The following NUBPL variants were observed in gnomAD, a reference collection of about 807,000 sequenced individuals.
The protein encoded by NUBPL is iron-sulfur cluster transfer protein NUBPL.
In NUBPL, 31 loss-of-function variants were observed where a neutral mutation model predicts 45.7. The ratio of observed to expected loss-of-function variants is 0.68; its 90% CI spans 0.51 to 0.92. NUBPL has a LOEUF of 0.92. Among genes scored for constraint, NUBPL ranks in the 40% least tolerant of loss-of-function variants. The pLI, the probability that NUBPL is intolerant of heterozygous loss-of-function variation, is 0.00. For synonymous variants in NUBPL, 144 were observed against 140.9 expected (o/e 1.02, Z -0.15); for missense variants, 401 against 398.7 (o/e 1.01, Z -0.05).
At chr14:31,563,584 A>G (rs923787408) in intron 2 of NUBPL, among the ~76,000 whole-genome samples, 2 of 152,244 alleles carry the variant, frequency 1.3e-5, no homozygotes, top group Admixed American at 1.3e-4. Context: ...ATGTAACTCT[A>G]TTGGTATTAT....
chr14:31,722,549 C>T (rs541843981), intron 6 of NUBPL, among the ~76,000 whole-genome samples: 28 of 152,198 alleles, frequency 1.8e-4, no homozygotes, highest in Non-Finnish European at 3.5e-4. Flanking sequence ...CAAATTTACA[C>T]TCCCATCAAC....
chr14:31,645,779 C>CA (rs1193782800), intron 4 of NUBPL, among the ~76,000 whole-genome samples: 2 of 133,768 alleles, frequency 1.5e-5, no homozygotes, highest in Non-Finnish European at 3.2e-5. Flanking sequence ...TTTACACCCC[C>CA]CCCCCCACAT....
intron 3 of NUBPL, among the ~76,000 whole-genome samples, chr14:31,569,813 C>CCCAA (rs1419947065): frequency 1.3e-5 from 2 of 152,132 alleles, no homozygotes; most frequent in Non-Finnish European, 2.9e-5. Context: ...AGCCCACTAC[C>CCCAA]CCAAGCCAGT....
At chr14:31,584,989 C>T (rs528821037) in intron 3 of NUBPL, among the ~76,000 whole-genome samples, 1 of 152,306 alleles carries the variant, frequency 6.6e-6, no homozygotes, top group Middle Eastern at 3.4e-3. Flanking sequence ...CCCCACCTCC[C>T]AGTGCTTTCA....
intron 6 of NUBPL, among the ~76,000 whole-genome samples, chr14:31,754,209 G>A (rs2038597339): frequency 6.6e-6 from 1 of 152,252 alleles, no homozygotes; most frequent in East Asian, 1.9e-4. Context: ...ATGAGTAATA[G>A]AATTATTGTA....
intron 6 of NUBPL, among the ~76,000 whole-genome samples, chr14:31,770,590 C>T (rs896680380): frequency 2.0e-5 from 3 of 152,200 alleles, no homozygotes; most frequent in African/African-American, 7.2e-5. Flanking sequence ...GACTGCTTAT[C>T]ATTTACGCCT....
intron 6 of NUBPL, among the ~76,000 whole-genome samples, chr14:31,758,041 G>A (rs2038711146): frequency 6.6e-6 from 1 of 152,120 alleles, no homozygotes; most frequent in Non-Finnish European, 1.5e-5. Flanking sequence ...CATCTCAGAA[G>A]AGCAGGCTGT....
intron 8 of NUBPL, among the ~76,000 whole-genome samples, chr14:31,831,036 T>TTTTA (rs139299664): frequency 0.025 from 1,507 of 60,036 alleles, 27 homozygotes; most frequent in African/African-American, 0.051. Flanking sequence ...CCCTAATCCT[T>TTTTA]TTTATTTATT....
chr14:31,615,759 G>A lies in NUBPL; in HGVS notation c.382+16380G>A, dbSNP rs566779264. Among the ~76,000 whole-genome samples, 8 of 152,238 alleles carry A rather than the reference G, an allele frequency of 5.3e-5. No individual in the cohort carries two copies. In the East Asian group the frequency reaches 9.7e-4, roughly 18 times the overall value. On this transcript the variant is annotated intron_variant, in intron 4 of 10. Transcript: ENST00000281081. ...GTGAACAGTGCTGCAATAAACATACGTGTGCATGTGTCTTTATAGTAGAAT... is the reference window on the plus strand; with the variant it reads ...GTGAACAGTGCTGCAATAAACATACATGTGCATGTGTCTTTATAGTAGAAT...
intron 7 of NUBPL, among the ~76,000 whole-genome samples, chr14:31,792,032 T>G (rs892013969): frequency 8.5e-5 from 13 of 152,184 alleles, no homozygotes; most frequent in Non-Finnish European, 1.5e-4. Flanking sequence ...TTAGTGGCTT[T>G]CATAAGATAA....
chr14:31,695,507 T>C (rs1376495611), intron 6 of NUBPL, among the ~76,000 whole-genome samples: 1 of 152,064 alleles, frequency 6.6e-6, no homozygotes, highest in Non-Finnish European at 1.5e-5. Context: ...AACCAGGCAG[T>C]GTTGGGAGGT....
At chr14:31,832,470 C>A (rs528027052) in intron 8 of NUBPL, among the ~76,000 whole-genome samples, 8 of 152,246 alleles carry the variant, frequency 5.3e-5, no homozygotes, top group African/African-American at 1.9e-4. Flanking sequence ...AGACAACAAA[C>A]TAGAAATAAG....
chr14:31,619,674 C>T (rs887078559), intron 4 of NUBPL, among the ~76,000 whole-genome samples: 9 of 152,132 alleles, frequency 5.9e-5, no homozygotes, highest in Non-Finnish European at 1.0e-4. Context: ...GATTGGCTTC[C>T]CTTTGTGGGT....
chr14:31,655,233 A>G (rs1451323611), intron 4 of NUBPL, among the ~76,000 whole-genome samples: 1 of 152,232 alleles, frequency 6.6e-6, no homozygotes, highest in Admixed American at 6.5e-5. Context: ...ATTACTATCT[A>G]TGGCAGCTTT....
intron 4 of NUBPL, among the ~76,000 whole-genome samples, chr14:31,658,684 G>C (rs1381930704): frequency 1.3e-5 from 2 of 152,024 alleles, no homozygotes; most frequent in Admixed American, 1.3e-4. Context: ...GCTAATCTTT[G>C]TATTTTTAGT....
intron 4 of NUBPL, among the ~76,000 whole-genome samples, chr14:31,649,501 A>G (rs922399211): frequency 6.6e-6 from 1 of 152,228 alleles, no homozygotes. Context: ...ATTATAAATG[A>G]TATACGCAAC....
chr14:31,623,103 A>G (rs1307721878), intron 4 of NUBPL, among the ~76,000 whole-genome samples: 1 of 152,264 alleles, frequency 6.6e-6, no homozygotes, highest in East Asian at 1.9e-4. Flanking sequence ...GATGTGAAAC[A>G]TGGAGTCAAA....
At position 31,781,950 on chromosome 14, in the gene NUBPL, C is replaced by A. The variant is rs541667529; in HGVS notation, c.514-5830C>A. ...ATATCCATAACTTTCTTACGTCTCT[C>A]TCCCCTTACTATTAGTTCCTTTTTA... On this transcript the variant is annotated intron_variant, in intron 6 of 10. Transcript: ENST00000281081. Among the ~76,000 whole-genome samples the A allele has an allele frequency of 2.0e-5, 3 of 152,246 alleles. No individual in the cohort carries two copies. The South Asian group carries it at 6.2e-4, about 32-fold the overall frequency.
chr14:31,787,877 A>AACCT lies in NUBPL; in HGVS notation c.607+5_607+6insCCTA. 6.3e-7 allele frequency: 1 copy of AACCT among 1,589,270 alleles called. No individual in the cohort carries two copies. Among genetic ancestry groups the AACCT allele is most frequent in the Non-Finnish European group, 8.6e-7 (1 of 1,157,744 alleles). ...TCACAGAATATTCCTATAACAGGTA[A>AACCT]ATCTTCAAAGTTTAAAGTAATTTGT... On this transcript the variant is annotated splice_donor_region_variant and intron_variant, in intron 7 of 10. Transcript: ENST00000281081.
Sources: allele counts gnomAD v4.1 joint callset (sites outside exome capture counted in the v4.1 genomes callset), GRCh38; gene constraint gnomAD v4.1.1; transcripts MANE v1.5; gene names NCBI Gene and HGNC (gene_info 2026-07-23, HGNC 2026-07-21).